EPB41L3: variants seen among roughly 807,000 people sequenced by gnomAD.
EPB41L3 encodes band 4.1-like protein 3.
EPB41L3 carries 57 observed loss-of-function variants against 127.1 expected under a neutral mutation model. The observed-to-expected ratio is 0.45, with a 90% CI of 0.36 to 0.56. EPB41L3 has a LOEUF of 0.56. Ranked by LOEUF, EPB41L3 falls within the 20% of genes least tolerant of loss-of-function variation. EPB41L3 has a pLI of 0.00. For missense variants in EPB41L3, 1,273 were observed against 1,372.2 expected, an observed-to-expected ratio of 0.93 and a Z score of 1.14; for synonymous variants, 572 against 549.5, an observed-to-expected ratio of 1.04 and a Z score of -0.57.
At chr18:5,405,565 G>C (rs2075239551) in intron 16 of EPB41L3, among the ~76,000 whole-genome samples, 1 of 152,008 alleles carries the variant, frequency 6.6e-6, no homozygotes, top group Non-Finnish European at 1.5e-5. Flanking sequence ...CTGAGGTGGT[G>C]AATCTTTTGA....
intron 14 of EPB41L3, 141 bp from the exon 15 acceptor site, chr18:5,407,877 A>G (rs933395408): frequency 7.0e-6 from 5 of 712,674 alleles, no homozygotes; most frequent in Non-Finnish European, 1.3e-5. Flanking sequence ...TCTTATACAC[A>G]AACCACAACA....
intron 3 of EPB41L3, among the ~76,000 whole-genome samples, chr18:5,556,236 T>C (rs777827639): frequency 4.6e-5 from 7 of 152,216 alleles, no homozygotes; most frequent in Non-Finnish European, 1.0e-4. Context: ...TTCTGCTAGA[T>C]ACAAAGGAAA....
intron 5 of EPB41L3, among the ~76,000 whole-genome samples, chr18:5,438,357 AC>A (rs1249080076): frequency 3.3e-5 from 5 of 152,186 alleles, no homozygotes; most frequent in African/African-American, 1.2e-4. Flanking sequence ...CAAACTTCCT[AC>A]CCTTTTCAGA....
chr18:5,627,816 A>T (rs1275574210), intron 1 of EPB41L3, among the ~76,000 whole-genome samples: 2 of 152,228 alleles, frequency 1.3e-5, no homozygotes, highest in Non-Finnish European at 2.9e-5. Flanking sequence ...GCCTAGCTGC[A>T]AACTCGGTTT....
intron 1 of EPB41L3, among the ~76,000 whole-genome samples, chr18:5,618,974 A>G (rs1208117089): frequency 6.6e-6 from 1 of 152,184 alleles, no homozygotes; most frequent in East Asian, 1.9e-4. Context: ...GTTAAATAAG[A>G]TATGTTTAAA....
chr18:5,558,301 A>G (rs2094070337), intron 3 of EPB41L3, among the ~76,000 whole-genome samples: 1 of 152,220 alleles, frequency 6.6e-6, no homozygotes, highest in Admixed American at 6.5e-5. Context: ...ATCAATGCAG[A>G]AACAGAACAC....
chr18:5,398,775 AC>A, intron 16 of EPB41L3: 4 of 399,348 alleles, frequency 1.0e-5, no homozygotes, highest in Non-Finnish European at 1.8e-5. Context: ...CACTTTTAAG[AC>A]CTCACTCTCG....
rs571286710 is a variant in EPB41L3, at chr18:5,474,209, C to T, written c.381+4032G>A. On this transcript the variant is annotated intron_variant, in intron 3 of 22. Transcript: ENST00000341928. ...TCGCGCCACTGCACTCCAGCCTGGG[C>T]AACAGAGTCAGACTCTGTCTAAAAA... Among the ~76,000 whole-genome samples, 127 of 149,828 alleles carry T rather than the reference C, an allele frequency of 8.5e-4. 1 individual carries two copies. The highest frequency in any genetic ancestry group is 3.0e-3 in the African/African-American group (120 of 40,644).
intron 3 of EPB41L3, among the ~76,000 whole-genome samples, chr18:5,576,306 T>C (rs948070051): frequency 1.3e-5 from 2 of 152,168 alleles, no homozygotes; most frequent in Non-Finnish European, 2.9e-5. Flanking sequence ...AAAGTTAATG[T>C]CAGAAAAATA....
chr18:5,472,633 C>A (rs2086370951), intron 3 of EPB41L3, among the ~76,000 whole-genome samples: 2 of 152,164 alleles, frequency 1.3e-5, no homozygotes, highest in Admixed American at 1.3e-4. Context: ...TCAAGAAAAG[C>A]AAAAGGTACT....
At chr18:5,566,303 C>T (rs2094197393) in intron 3 of EPB41L3, among the ~76,000 whole-genome samples, 1 of 152,172 alleles carries the variant, frequency 6.6e-6, no homozygotes, top group Non-Finnish European at 1.5e-5. Context: ...AAATCACAAG[C>T]ATTCTTATAC....
rs2081187349 is a variant in EPB41L3 at position 5,444,328 on chromosome 18, G to GC, written c.487-449_487-448insG. On this transcript the variant is annotated intron_variant, in intron 4 of 22. Transcript: ENST00000341928. ...AGGAAGCTTCCCTAACAAATCAATA[G>GC]TTGCCTGTGATTTCCGATTTTCCTC... 2.6e-5 allele frequency among the ~76,000 whole-genome samples: 4 copies of GC among 152,264 alleles called. No individual in the cohort carries two copies. The South Asian group carries it at 8.3e-4, about 32-fold the overall frequency.
rs8093019 is a variant in EPB41L3, at chr18:5,488,331, G to A, written c.183+670C>T. On this transcript the variant is annotated intron_variant, in intron 2 of 22. Transcript: ENST00000341928. ...ACACAGGAACAGAAAACCAAACACCGCATGTTCTCACTCATAAGTGGGAGT... is the reference window on the plus strand; with the variant it reads ...ACACAGGAACAGAAAACCAAACACCACATGTTCTCACTCATAAGTGGGAGT... Among the ~76,000 whole-genome samples, 828 of 151,780 alleles carry A rather than the reference G, an allele frequency of 5.5e-3. 10 individuals are homozygous for A. Among genetic ancestry groups the A allele is most frequent in the African/African-American group, 0.018 (731 of 41,346 alleles).
Position 5,393,269 on chromosome 18 carries a change from C to T in EPB41L3, c.*216G>A. The stretch of plus-strand genomic sequence containing the variant: ...TTTGTAATTTTATCGTTGCTTCATG[C>T]ATTATCGGTTTAGTGATGCTGAATC... On this transcript the variant is annotated 3_prime_UTR_variant, in exon 23 of 23. Coordinates refer to ENST00000341928, the MANE Select transcript of EPB41L3 (RefSeq NM_012307.5). The T allele has an allele frequency of 2.3e-6, 1 of 437,216 alleles. No homozygotes were observed. The highest frequency in any genetic ancestry group is 4.0e-6 in the Non-Finnish European group (1 of 247,150). 27.1% of individuals were successfully genotyped at this position (437,216 alleles called of 1,614,324 possible).
chr18:5,559,600 C>G (rs554611445), intron 3 of EPB41L3, among the ~76,000 whole-genome samples: 1 of 152,138 alleles, frequency 6.6e-6, no homozygotes, highest in African/African-American at 2.4e-5. Context: ...TCTTTCTAAA[C>G]GAAAATATCT....
chr18:5,493,718 G>A (rs1359058577), intron 1 of EPB41L3, among the ~76,000 whole-genome samples: 1 of 152,066 alleles, frequency 6.6e-6, no homozygotes, highest in African/African-American at 2.4e-5. Flanking sequence ...CCAAGCTTCT[G>A]GAAGGAATTT....
At chr18:5,629,801 G>A (rs1187244435), upstream of EPB41L3, among the ~76,000 whole-genome samples, 7 of 152,300 alleles carry the variant, frequency 4.6e-5, no homozygotes, top group East Asian at 5.8e-4. Flanking sequence ...CGGGACCGGG[G>A]AGCCAGACCC....
chr18:5,395,370 C>T (rs2073204763), intron 20 of EPB41L3, among the ~76,000 whole-genome samples: 1 of 152,204 alleles, frequency 6.6e-6, no homozygotes, highest in Non-Finnish European at 1.5e-5. Context: ...ACATGCCAAG[C>T]ACTGGAGTAA....
At position 5,478,396 on chromosome 18, in the gene EPB41L3, G is replaced by C; in HGVS notation, c.226C>G (p.Gln76Glu). 1.2e-6 allele frequency: 2 copies of C among 1,614,160 alleles called. No homozygotes were observed. Among genetic ancestry groups the C allele is most frequent in the Non-Finnish European group, 1.7e-6 (2 of 1,180,028 alleles). ...EQEFAARAAK[Q>E]LEYQQLEDDK... is the part of the protein sequence containing the mutation. ...TCTTCTAATTGCTGATATTCGAGCT[G>C]TTTTGCAGCCCTGGCAGCAAACTCC... Residue 76 changes from glutamine to glutamate, a missense_variant, in exon 3 of 23, where the codon CAG (glutamine) becomes GAG (glutamate). Physicochemically the swap from Gln to Glu is conservative, Grantham distance 29. This residue lies in a region of EPB41L3 where 182 missense variants were observed against 149.2 expected (regional missense o/e 1.22). Coordinates refer to ENST00000341928, the MANE Select transcript of EPB41L3 (RefSeq NM_012307.5).
Sources: gnomAD v4.1 joint callset for allele counts (sites outside exome capture counted in the v4.1 genomes callset) on GRCh38, gnomAD v4.1.1 for gene constraint, gnomAD v4.1.1 regional missense constraint, MANE v1.5 for transcripts, NCBI Gene and HGNC (gene_info 2026-07-23, HGNC 2026-07-21) for gene names.